USP8: variants seen among roughly 807,000 people sequenced by gnomAD.
USP8 encodes the protein ubiquitin specific peptidase 8, also known as ubiquitin carboxyl-terminal hydrolase 8.
In USP8, 27 loss-of-function variants were observed where a neutral mutation model predicts 130.0. The ratio of observed to expected loss-of-function variants is 0.21; its 90% CI spans 0.15 to 0.29. USP8 has a LOEUF of 0.29. USP8 is among the 10% of genes least tolerant of loss of function. USP8 has a pLI of 1.00. For synonymous variants in USP8, 392 were observed against 444.1 expected (o/e 0.88, Z 1.48); for missense variants, 1,029 against 1,312.2 (o/e 0.78, Z 3.33).
chr15:50,464,304 G>A (rs1045234304), intron 6 of USP8, among the ~76,000 whole-genome samples: 4 of 152,264 alleles, frequency 2.6e-5, no homozygotes, highest in East Asian at 3.9e-4. Flanking sequence ...AAAAGCTACC[G>A]TAAGACTGCC....
chr15:50,497,339 G>A (rs2141329814), intron 18 of USP8, 108 bp downstream of exon 18: 19 of 1,357,148 alleles, frequency 1.4e-5, no homozygotes, highest in Non-Finnish European at 1.8e-5. Context: ...ATAACAAAGG[G>A]CGATTATCTG....
chr15:50,433,584 T>A (rs2141247874), intron 1 of USP8, among the ~76,000 whole-genome samples: 1 of 152,306 alleles, frequency 6.6e-6, no homozygotes, highest in East Asian at 1.9e-4. Context: ...AGCAGAAGGA[T>A]GTCAGAGAAA....
Position 50,500,829 on chromosome 15 carries a change from A to G in USP8, c.*1741A>G, listed in dbSNP as rs1436659861. 1.6e-5 allele frequency: 25 copies of G among 1,581,120 alleles called. No homozygotes were observed. Among genetic ancestry groups the G allele is most frequent in the Non-Finnish European group, 2.1e-5 (24 of 1,162,706 alleles). ...TGTAGTGGCCACCATCCAAATCACC[A>G]AAATGGTTCTATGGGAGAAAGGAAT... On this transcript the variant is annotated 3_prime_UTR_variant, in exon 20 of 20. Coordinates refer to ENST00000307179, the MANE Select transcript of USP8 (RefSeq NM_005154.5).
At position 50,504,369 on chromosome 15, in the gene USP8, C is replaced by G. The variant is rs2052629229; in HGVS notation, c.*5281C>G. 2 of 152,078 alleles carry G rather than the reference C, an allele frequency of 1.3e-5. No homozygotes were observed. Among genetic ancestry groups the G allele is most frequent in the African/African-American group, 4.8e-5 (2 of 41,348 alleles). 9.4% of individuals were successfully genotyped at this position (152,078 alleles called of 1,614,324 possible). On this transcript the variant is annotated 3_prime_UTR_variant, in exon 20 of 20. Coordinates refer to ENST00000307179, the MANE Select transcript of USP8 (RefSeq NM_005154.5). Reference sequence around the variant, plus strand: ...GGCAAAACCCTGTCTACACAAAATACAAAAATTGACCAGGCATAGTGGCAC... The same window carrying G: ...GGCAAAACCCTGTCTACACAAAATAGAAAAATTGACCAGGCATAGTGGCAC...
chr15:50,474,600 A>G (rs993163562), intron 8 of USP8, among the ~76,000 whole-genome samples: 15 of 152,242 alleles, frequency 9.9e-5, no homozygotes, highest in Non-Finnish European at 1.9e-4. Flanking sequence ...ACATAAATCA[A>G]TGAAGAAAAG....
intron 16 of USP8, 37 bp downstream of exon 16, chr15:50,494,317 T>C: frequency 1.3e-6 from 2 of 1,553,244 alleles, no homozygotes; most frequent in African/African-American, 2.8e-5. Flanking sequence ...CAGAGACTCT[T>C]TAGGGTTGCT....
chr15:50,510,172 G>C lies in USP8; in HGVS notation c.*11084G>C, dbSNP rs1258694756. 3 of 142,140 alleles carry C rather than the reference G, an allele frequency of 2.1e-5. No individual in the cohort carries two copies. Among genetic ancestry groups the C allele is most frequent in the Non-Finnish European group, 4.4e-5 (3 of 67,994 alleles). 8.8% of individuals were successfully genotyped at this position (142,140 alleles called of 1,614,324 possible). A position where few individuals can be genotyped will look rare whatever the true frequency, so the allele number is the denominator to read the frequency against. ...CAGCATTATATGTTACTGAGGAAAA[G>C]AAGAGGCTGAGACATTTGGTTATTC... On this transcript the variant is annotated 3_prime_UTR_variant, in exon 20 of 20. Transcript: ENST00000307179.
chr15:50,477,481 T>C lies in USP8; in HGVS notation c.1200T>C (p.Ser400=), dbSNP rs768732557. 3 of 1,612,914 alleles carry C rather than the reference T, an allele frequency of 1.9e-6. No homozygotes were observed. The South Asian group carries it at 3.3e-5, about 18-fold the overall frequency. ...CACCCATAATTCAGCCAGTGCCTAGTATAAAGAATGTTCCACAGGTATGTT... is the reference window on the plus strand; with the variant it reads ...CACCCATAATTCAGCCAGTGCCTAGCATAAAGAATGTTCCACAGGTATGTT... ...DVSPIIQPVP[S]IKNVPQIDRT... The change falls in exon 10 of 20, where the codon AGT becomes AGC. Residue 400 remains serine, a synonymous_variant. Coordinates refer to ENST00000307179, the MANE Select transcript of USP8 (RefSeq NM_005154.5).
chr15:50,506,950 T>TCTG lies in USP8; in HGVS notation c.*7862_*7863insCTG, dbSNP rs2052669667. The TCTG allele has an allele frequency of 1.1e-5, 1 of 87,510 alleles. No individual in the cohort carries two copies. Among genetic ancestry groups the TCTG allele is most frequent in the Non-Finnish European group, 1.9e-5 (1 of 52,258 alleles). 5.4% of individuals were successfully genotyped at this position (87,510 alleles called of 1,614,324 possible). On this transcript the variant is annotated 3_prime_UTR_variant, in exon 20 of 20. Transcript: ENST00000307179. Reference sequence around the variant, plus strand: ...TCCAGCCTGGGCGACAGAGCGAGACTTCATCTCAAAAAAAAAAAAAAAAAA... The same window carrying TCTG: ...TCCAGCCTGGGCGACAGAGCGAGACTCTGTCATCTCAAAAAAAAAAAAAAAAAA...
At chr15:50,447,013 C>A (rs2050465623) in intron 3 of USP8, among the ~76,000 whole-genome samples, 1 of 152,192 alleles carries the variant, frequency 6.6e-6, no homozygotes, top group Non-Finnish European at 1.5e-5. Context: ...CACTCATATT[C>A]TGTTCTTGTG....
At chr15:50,453,294 C>G (rs2050681420) in intron 4 of USP8, among the ~76,000 whole-genome samples, 1 of 152,140 alleles carries the variant, frequency 6.6e-6, no homozygotes, top group South Asian at 2.1e-4. Flanking sequence ...CACTTTTGTT[C>G]CATTTATTTT....
At chr15:50,491,148 A>AT (rs2052146747) in intron 14 of USP8, among the ~76,000 whole-genome samples, 1 of 152,162 alleles carries the variant, frequency 6.6e-6, no homozygotes, top group Non-Finnish European at 1.5e-5. Flanking sequence ...CTATGAGGAG[A>AT]TGATTTAAGT....
intron 7 of USP8, among the ~76,000 whole-genome samples, chr15:50,470,298 T>C (rs149044198): frequency 3.9e-4 from 59 of 152,292 alleles, no homozygotes; most frequent in African/African-American, 1.3e-3. Context: ...TTGTCTTATG[T>C]TGAGTGCCTT....
rs2052549679 is a variant in USP8 at position 50,499,908 on chromosome 15, A to T, written c.*820A>T. The stretch of plus-strand genomic sequence containing the variant: ...ATTCTTTCAAGACTAGTATTCTCAC[A>T]TATTGAGAATATTCATTCTAAATAT... On this transcript the variant is annotated 3_prime_UTR_variant, in exon 20 of 20. Transcript: ENST00000307179. 6.6e-6 allele frequency: 1 copy of T among 152,164 alleles called. No individual in the cohort carries two copies. The highest frequency in any genetic ancestry group is 2.1e-4 in the South Asian group (1 of 4,822). The allele number at this position is 152,164 out of a possible 1,614,324, so 9.4% of individuals were successfully genotyped here.
chr15:50,433,774 T>A (rs1010558060), intron 1 of USP8, among the ~76,000 whole-genome samples: 12 of 151,856 alleles, frequency 7.9e-5, no homozygotes, highest in Admixed American at 7.2e-4. Context: ...CCCGGCTAAT[T>A]TTTTGTCTTT....
intron 1 of USP8, among the ~76,000 whole-genome samples, chr15:50,437,618 T>C (rs2050128694): frequency 6.6e-6 from 1 of 152,232 alleles, no homozygotes; most frequent in Non-Finnish European, 1.5e-5. Context: ...AAGCTAAGTC[T>C]CCTGATGATT....
rs574786457 is a variant in USP8 at position 50,506,561 on chromosome 15, G to A, written c.*7473G>A. ...GGGGACTGCCGAATTAGAAAAATAA[G>A]GCTAACATAAACACAAAAGAAGATG... On this transcript the variant is annotated 3_prime_UTR_variant, in exon 20 of 20. Transcript: ENST00000307179. 1 of 152,206 alleles carries A rather than the reference G, an allele frequency of 6.6e-6. No individual in the cohort carries two copies. Among genetic ancestry groups the A allele is most frequent in the African/African-American group, 2.4e-5 (1 of 41,518 alleles). The allele number at this position is 152,206 out of a possible 1,614,324, so 9.4% of individuals were successfully genotyped here. A position where few individuals can be genotyped will look rare whatever the true frequency, so the allele number is the denominator to read the frequency against.
At chr15:50,461,554 A>T (rs543923060) in intron 5 of USP8, among the ~76,000 whole-genome samples, 43 of 152,040 alleles carry the variant, frequency 2.8e-4, no homozygotes, top group South Asian at 8.3e-4. Flanking sequence ...TGTCTTGGTT[A>T]AAAAATGTAA....
chr15:50,451,944 G>A (rs2050640135), intron 4 of USP8, among the ~76,000 whole-genome samples: 1 of 152,208 alleles, frequency 6.6e-6, no homozygotes, highest in South Asian at 2.1e-4. Context: ...GCTAAATTCT[G>A]CCTAATCATC....
Sources: gnomAD v4.1 joint callset for allele counts (sites outside exome capture counted in the v4.1 genomes callset) on GRCh38, gnomAD v4.1.1 for gene constraint, MANE v1.5 for transcripts, NCBI Gene and HGNC (gene_info 2026-07-23, HGNC 2026-07-21) for gene names.